Variants in FAAP100 observed in about 807,000 individuals in gnomAD.
FAAP100 encodes the protein FA core complex associated protein 100.
In FAAP100, 46 loss-of-function variants were observed where a neutral mutation model predicts 65.8. The observed-to-expected ratio is 0.70, with a 90% confidence interval of 0.55 to 0.89. The LOEUF is 0.89. FAAP100 is among the 40% of genes least tolerant of loss of function. The pLI is 0.00. For synonymous variants in FAAP100, 663 were observed against 555.1 expected (o/e 1.19, Z -2.73); for missense variants, 1,165 against 1,196.7 (o/e 0.97, Z 0.39).
In FAAP100 at chr17:81,547,350, G is replaced by A. The variant is rs1421382997; in HGVS notation, c.1732C>T (p.Arg578Trp). 3 of 1,612,748 alleles carry A rather than the reference G, an allele frequency of 1.9e-6. No homozygotes were observed. Among genetic ancestry groups the A allele is most frequent in the East Asian group, 2.2e-5 (1 of 44,890 alleles). The change falls in exon 5 of 9, where the codon CGG becomes TGG. Residue 578 changes from arginine to tryptophan, a missense_variant. By Grantham distance (101) the Arg-to-Trp change is moderately radical. Coordinates refer to ENST00000327787, the MANE Select transcript of FAAP100 (RefSeq NM_025161.6). ...PVDQLGPGAR[R>W]EVTLPLGPGE... is the part of the protein sequence containing the mutation. ...GGGCCCAGGGGTAGCGTCACCTCCCGCCGAGCACCGGGGCCGAGCTGGTCC... is the reference window on the plus strand; with the variant it reads ...GGGCCCAGGGGTAGCGTCACCTCCCACCGAGCACCGGGGCCGAGCTGGTCC...
In FAAP100 at chr17:81,552,353, T is replaced by A; in HGVS notation, c.-23A>T. Reference sequence around the variant, plus strand: ...CATCGTGCGCGCGGGCCCGTCAGAGTGAGAAGCCCCGGCCGCGCGGCGGCG... The same window carrying A: ...CATCGTGCGCGCGGGCCCGTCAGAGAGAGAAGCCCCGGCCGCGCGGCGGCG... On this transcript the variant is annotated 5_prime_UTR_variant, in exon 1 of 9. Transcript: ENST00000327787. The A allele has an allele frequency of 7.5e-7, 1 of 1,338,340 alleles. No homozygotes were observed. Among genetic ancestry groups the A allele is most frequent in the Non-Finnish European group, 9.5e-7 (1 of 1,054,456 alleles). The allele number at this position is 1,338,340 out of a possible 1,614,324, so 82.9% of individuals were successfully genotyped here.
chr17:81,549,423 C>A, intron 3 of FAAP100, 61 bp from the exon 4 acceptor site: 2 of 1,547,714 alleles, frequency 1.3e-6, no homozygotes, highest in Non-Finnish European at 1.7e-6. Context: ...GCATGACACT[C>A]GGTGGTGTTT....
At chr17:81,541,510 A>C in intron 7 of FAAP100, 115 bp from the exon 8 acceptor site, 1 of 836,904 alleles carries the variant, frequency 1.2e-6, no homozygotes, top group South Asian at 1.5e-5. Flanking sequence ...CCTGCCTGGC[A>C]CCCCTCCCCA....
At chr17:81,541,010 A>G in intron 8 of FAAP100, 60 bp from the exon 9 acceptor site, 1 of 1,491,354 alleles carries the variant, frequency 6.7e-7, no homozygotes. Flanking sequence ...GTCACTGGGT[A>G]CCTCTGGGGG....
At chr17:81,541,520 A>C (rs534809685) in intron 7 of FAAP100, 125 bp from the exon 8 acceptor site, 4 of 800,066 alleles carry the variant, frequency 5.0e-6, no homozygotes, top group Admixed American at 2.1e-5. Context: ...ACCCCTCCCC[A>C]CCCCAGCGCT....
chr17:81,549,216 T>C lies in FAAP100; in HGVS notation c.1393A>G (p.Ile465Val), dbSNP rs2033409792. ...IKELLSGIGN[I>V]SERVSFLKKA... ...AGCTGAGCTGCTCACCTCTCAGAGA[T>C]GTTGCCAATTCCAGACAGCAGCTCC... Residue 465 changes from isoleucine (I) to valine (V), a missense_variant, in exon 4 of 9, where the codon ATC becomes GTC. Physicochemically the swap from Ile to Val is conservative, Grantham distance 29 (BLOSUM62 3). Transcript: ENST00000327787. 6.2e-7 allele frequency: 1 copy of C among 1,612,348 alleles called. No individual in the cohort carries two copies. The highest frequency in any genetic ancestry group is 1.1e-5 in the South Asian group (1 of 91,074).
At chr17:81,544,772 C>T (rs1306785872) in intron 6 of FAAP100, among the ~76,000 whole-genome samples, 3 of 152,218 alleles carry the variant, frequency 2.0e-5, no homozygotes, top group Admixed American at 6.5e-5. Context: ...CCACAGGGGC[C>T]GCCAGCACCG....
chr17:81,552,185 T>C lies in FAAP100; in HGVS notation c.146A>G (p.Gln49Arg), dbSNP rs2143969549. ...TGSELVYVYD[Q>R]EGGLLTAAFR... ...GCTCACGGTCAGCAGCCCGCCCTCC[T>C]GGTCGTACACGTAGACGAGCTCGCT... Residue 49 changes from glutamine to arginine, a missense_variant, in exon 1 of 9, where the codon CAG (glutamine) becomes CGG (arginine). Gln to Arg is a conservative substitution (Grantham distance 43, BLOSUM62 1). Coordinates refer to ENST00000327787, the MANE Select transcript of FAAP100 (RefSeq NM_025161.6). 1 of 1,497,002 alleles carries C rather than the reference T, an allele frequency of 6.7e-7. No individual in the cohort carries two copies. Among genetic ancestry groups the C allele is most frequent in the Non-Finnish European group, 8.8e-7 (1 of 1,130,094 alleles). The allele number at this position is 1,497,002 out of a possible 1,614,324, so 92.7% of individuals were successfully genotyped here.
At position 81,540,760 on chromosome 17, in the gene FAAP100, T is replaced by C. The variant is rs1418287487; in HGVS notation, c.*59A>G. On this transcript the variant is annotated 3_prime_UTR_variant, in exon 9 of 9. Coordinates refer to ENST00000327787, the MANE Select transcript of FAAP100 (RefSeq NM_025161.6). ...CGGTTTCCCTCTAACCCATGAGGCC[T>C]GGGGGGGCTGTGACAGAGGCTGGAA... is the stretch of plus-strand genomic sequence containing the variant. 1.6e-5 allele frequency: 23 copies of C among 1,453,092 alleles called. No individual in the cohort carries two copies. Among genetic ancestry groups the C allele is most frequent in the Non-Finnish European group, 2.0e-5 (22 of 1,102,248 alleles). The allele number at this position is 1,453,092 out of a possible 1,614,324, so 90.0% of individuals were successfully genotyped here.
upstream of FAAP100, chr17:81,552,359 G>C: frequency 7.6e-7 from 1 of 1,314,428 alleles, no homozygotes. Context: ...AGAGTGAGAA[G>C]CCCCGGCCGC....
chr17:81,548,156 C>G, intron 4 of FAAP100: 1 of 597,180 alleles, frequency 1.7e-6, no homozygotes, highest in South Asian at 2.0e-5. Context: ...CCCGGAGTGA[C>G]AGGCCCCTCG....
At position 81,550,717 on chromosome 17, in the gene FAAP100, G is replaced by A. The variant is rs1314573783; in HGVS notation, c.777C>T (p.Val259=). The A allele has an allele frequency of 1.2e-6, 2 of 1,612,822 alleles. No individual in the cohort carries two copies. Among genetic ancestry groups the A allele is most frequent in the Non-Finnish European group, 1.7e-6 (2 of 1,179,896 alleles). ...QLCCVILKAL[V]TSRSAPGDPN... Reference sequence around the variant, plus strand: ...GGTCACCAGGGGCTGACCTGGAGGTGACCAGGGCCTTCAGGATCACACAGC... The same window carrying A: ...GGTCACCAGGGGCTGACCTGGAGGTAACCAGGGCCTTCAGGATCACACAGC... The change falls in exon 3 of 9, where the codon GTC becomes GTT. Residue 259 remains valine, a synonymous_variant. Transcript: ENST00000327787.
chr17:81,551,225 G>C, intron 2 of FAAP100, 22 bp from the exon 3 acceptor site: 1 of 1,492,078 alleles, frequency 6.7e-7, no homozygotes, highest in Non-Finnish European at 9.0e-7. Context: ...GGGACGCACT[G>C]GTCAGGCCTG....
chr17:81,540,836 TG>T lies in FAAP100; in HGVS notation c.2628del (p.Ser877AlafsTer68). On this transcript the variant is annotated frameshift_variant, in exon 9 of 9. Transcript: ENST00000327787. LOFTEE classifies it high-confidence loss of function. ...CCGCCTGGTCACAGCAGGATGAGGC[TG>T]GGGTGGCGCAGCTGCCGGTACACCT... The part of the protein sequence containing the change: ...LLQVYRQLRH[P>X]SLILL The T allele has an allele frequency of 6.5e-7, 1 of 1,537,568 alleles. No individual in the cohort carries two copies.
intron 5 of FAAP100, among the ~76,000 whole-genome samples, chr17:81,546,697 C>G (rs1172800727): frequency 6.6e-6 from 1 of 152,048 alleles, no homozygotes; most frequent in African/African-American, 2.4e-5. Flanking sequence ...CCCATGTCCA[C>G]AGGCCCGAGG....
upstream of FAAP100, chr17:81,553,113 G>A: frequency 5.9e-6 from 1 of 168,732 alleles, no homozygotes; most frequent in Non-Finnish European, 1.3e-5. Flanking sequence ...ACGGACACCT[G>A]CTCCATGCCC....
intron 5 of FAAP100, among the ~76,000 whole-genome samples, 173 bp downstream of exon 5, chr17:81,546,736 A>AAGTC (rs2033314369): frequency 6.6e-6 from 1 of 152,032 alleles, no homozygotes; most frequent in Admixed American, 6.6e-5. Flanking sequence ...TCATGCAGGT[A>AAGTC]ATCCCAGCAT....
In FAAP100 at chr17:81,541,408, G is replaced by A; in HGVS notation, c.2428-13C>T. 2.5e-6 allele frequency: 4 copies of A among 1,591,360 alleles called. No individual in the cohort carries two copies. In the South Asian group the frequency reaches 4.4e-5, roughly 18 times the overall value. ...CTGTCACCATCGTCTGGGGGACACAGGAGACATGCTGGAGAGGGTGTGCCC... is the reference window on the plus strand; with the variant it reads ...CTGTCACCATCGTCTGGGGGACACAAGAGACATGCTGGAGAGGGTGTGCCC... On this transcript the variant is annotated splice_polypyrimidine_tract_variant and intron_variant, in intron 7 of 8. Coordinates refer to ENST00000327787, the MANE Select transcript of FAAP100 (RefSeq NM_025161.6).
rs367564247 is a variant in FAAP100 at position 81,541,398 on chromosome 17, G to A, written c.2428-3C>T. On this transcript the variant is annotated splice_polypyrimidine_tract_variant and splice_region_variant and intron_variant, in intron 7 of 8. Transcript: ENST00000327787. ...GTGGCCTGCTCTGTCACCATCGTCT[G>A]GGGGACACAGGAGACATGCTGGAGA... is the stretch of plus-strand genomic sequence containing the variant. 5.6e-6 allele frequency: 9 copies of A among 1,600,100 alleles called. No individual in the cohort carries two copies. The South Asian group carries it at 6.6e-5, about 12-fold the overall frequency.
Sources: gnomAD v4.1 joint callset for allele counts (sites outside exome capture counted in the v4.1 genomes callset) on GRCh38, gnomAD v4.1.1 for gene constraint, MANE v1.5 for transcripts, NCBI Gene and HGNC (gene_info 2026-07-23, HGNC 2026-07-21) for gene names.